PTK2: variants seen among roughly 807,000 people sequenced by gnomAD.
PTK2 encodes focal adhesion kinase 1.
A neutral mutation model predicts 150.1 loss-of-function variants in PTK2; 45 were observed. The ratio of observed to expected loss-of-function variants is 0.30; its 90% CI spans 0.24 to 0.38. The LOEUF (loss-of-function observed/expected upper bound fraction) is 0.38. Ranked by LOEUF, PTK2 falls within the 10% of genes least tolerant of loss-of-function variation. The pLI is 1.00. For synonymous variants in PTK2, 432 were observed against 449.2 expected (o/e 0.96, Z 0.48); for missense variants, 919 against 1,307.3 (o/e 0.70, Z 4.58).
At chr8:140,942,267 T>C (rs117295144) in intron 1 of PTK2, among the ~76,000 whole-genome samples, 2,677 of 152,338 alleles carry the variant, frequency 0.018, 71 homozygotes, top group Admixed American at 0.074. Flanking sequence ...AAGATGGAGC[T>C]GAAGACTGCA....
chr8:140,950,583 G>A (rs73714794), intron 1 of PTK2, among the ~76,000 whole-genome samples: 4,991 of 152,300 alleles, frequency 0.033, 279 homozygotes, highest in African/African-American at 0.11. Flanking sequence ...CTTGTAGTGT[G>A]AGCCAAGCAC....
chr8:140,935,702 C>CTTTTTTTTTTTTTTTTTTTTTT (rs34554819), intron 1 of PTK2, among the ~76,000 whole-genome samples: 1 of 123,860 alleles, frequency 8.1e-6, no homozygotes, highest in Admixed American at 9.4e-5. Flanking sequence ...ATGTCCTCAT[C>CTTTTTTTTTTTTTTTTTTTTTT]TTTTTTTTTT....
intron 1 of PTK2, among the ~76,000 whole-genome samples, chr8:140,941,987 T>C (rs2100175976): frequency 6.6e-6 from 1 of 152,060 alleles, no homozygotes; most frequent in South Asian, 2.1e-4. Context: ...ACCCCCAGGT[T>C]CAAGCAATTC....
At chr8:140,766,167 C>T (rs755433170) in intron 14 of PTK2, among the ~76,000 whole-genome samples, 11 of 152,180 alleles carry the variant, frequency 7.2e-5, no homozygotes, top group Admixed American at 3.3e-4. Context: ...CAACCCTGCA[C>T]GTAGCTCATG....
chr8:140,776,827 T>C (rs1005893822), intron 14 of PTK2, among the ~76,000 whole-genome samples: 9 of 152,064 alleles, frequency 5.9e-5, no homozygotes, highest in African/African-American at 2.2e-4. Context: ...TGAAACACAA[T>C]GAGATCCCCA....
chr8:140,803,281 G>T (rs1174165805), intron 11 of PTK2, among the ~76,000 whole-genome samples: 1 of 151,690 alleles, frequency 6.6e-6, no homozygotes, highest in Non-Finnish European at 1.5e-5. Flanking sequence ...TACAGGTGTG[G>T]GCCACCGCGC....
chr8:140,957,346 T>C (rs1194297128), intron 1 of PTK2, among the ~76,000 whole-genome samples: 1 of 152,186 alleles, frequency 6.6e-6, no homozygotes, highest in African/African-American at 2.4e-5. Flanking sequence ...GAGGATCACT[T>C]GAGCCCGGGA....
chr8:140,666,299 T>C (rs1430230446), intron 30 of PTK2, among the ~76,000 whole-genome samples: 1 of 152,020 alleles, frequency 6.6e-6, no homozygotes, highest in Non-Finnish European at 1.5e-5. Flanking sequence ...GATCGTGCCA[T>C]TGCACTCCAG....
chr8:140,852,056 T>C (rs2100129616), intron 5 of PTK2, among the ~76,000 whole-genome samples: 1 of 152,132 alleles, frequency 6.6e-6, no homozygotes, highest in South Asian at 2.1e-4. Flanking sequence ...TTTCATGACA[T>C]CTTCTAATAA....
At chr8:140,955,269 G>A (rs1467051636) in intron 1 of PTK2, among the ~76,000 whole-genome samples, 1 of 152,172 alleles carries the variant, frequency 6.6e-6, no homozygotes, top group African/African-American at 2.4e-5. Flanking sequence ...CATGGGGGCA[G>A]GTCTTTCCCG....
intron 25 of PTK2, among the ~76,000 whole-genome samples, chr8:140,701,674 G>A (rs980930117): frequency 1.3e-5 from 2 of 152,040 alleles, no homozygotes; most frequent in African/African-American, 4.8e-5. Flanking sequence ...TTTCTTCGTT[G>A]GCCTCATGTA....
At chr8:140,951,354 A>T (rs918907440) in intron 1 of PTK2, among the ~76,000 whole-genome samples, 4 of 152,198 alleles carry the variant, frequency 2.6e-5, no homozygotes, top group Non-Finnish European at 5.9e-5. Context: ...AAATGGCCCA[A>T]CGGACTTACG....
intron 1 of PTK2, among the ~76,000 whole-genome samples, chr8:140,965,539 A>G (rs1361626484): frequency 6.6e-6 from 1 of 152,196 alleles, no homozygotes; most frequent in African/African-American, 2.4e-5. Context: ...AGAGGCCATT[A>G]AAATTTTGCC....
chr8:140,929,456 A>C (rs531416477), intron 1 of PTK2, among the ~76,000 whole-genome samples: 1 of 152,186 alleles, frequency 6.6e-6, no homozygotes, highest in African/African-American at 2.4e-5. Flanking sequence ...CTAAGGGCTT[A>C]TATTGTTCCA....
chr8:140,790,012 C>T lies in PTK2; in HGVS notation c.1125-486G>A, dbSNP rs933976835. On this transcript the variant is annotated intron_variant, in intron 13 of 31. Coordinates refer to ENST00000522684, the Ensembl canonical transcript of PTK2. ...ATTAATATGTACTATTACCTACATA[C>T]TTAAAAAAGTAATCTCAATGTATCT... 2.0e-5 allele frequency among the ~76,000 whole-genome samples: 3 copies of T among 152,060 alleles called. No homozygotes were observed. The East Asian group carries it at 5.8e-4, about 29-fold the overall frequency.
intron 12 of PTK2, among the ~76,000 whole-genome samples, chr8:140,794,354 G>A (rs2100090346): frequency 6.6e-6 from 1 of 152,114 alleles, no homozygotes; most frequent in South Asian, 2.1e-4. Flanking sequence ...TGGTATGGGA[G>A]GCTGAGGAGG....
intron 4 of PTK2, among the ~76,000 whole-genome samples, chr8:140,866,154 G>T (rs186927593): frequency 7.0e-4 from 107 of 152,206 alleles, no homozygotes; most frequent in African/African-American, 2.4e-3. Context: ...TTCGCATTCT[G>T]CAGACTAAAA....
intron 2 of PTK2, among the ~76,000 whole-genome samples, chr8:140,899,399 C>G (rs192625474): frequency 6.6e-6 from 1 of 152,130 alleles, no homozygotes; most frequent in Non-Finnish European, 1.5e-5. Context: ...CATTTGCTAA[C>G]AAATTTGAAA....
At chr8:140,676,855 C>T (rs1269021292) in intron 27 of PTK2, among the ~76,000 whole-genome samples, 2 of 138,458 alleles carry the variant, frequency 1.4e-5, no homozygotes, top group Non-Finnish European at 3.0e-5. Context: ...GGGAGAATTG[C>T]TTGAACCTGG....
Sources: gnomAD v4.1 joint callset for allele counts (sites outside exome capture counted in the v4.1 genomes callset) on GRCh38, gnomAD v4.1.1 for gene constraint, MANE v1.5 for transcripts, NCBI Gene and HGNC (gene_info 2026-07-23, HGNC 2026-07-21) for gene names.